Variants in NEK7 observed in about 807,000 individuals in gnomAD.
The protein encoded by NEK7 is NIMA related kinase 7.
NEK7 carries 18 observed loss-of-function variants against 44.6 expected under a neutral mutation model. The ratio of observed to expected loss-of-function variants is 0.40; its 90% CI spans 0.28 to 0.60. The LOEUF (loss-of-function observed/expected upper bound fraction) is 0.60, where lower values mean the gene tolerates loss of function less well. Among genes scored for constraint, NEK7 ranks in the 20% least tolerant of loss-of-function variants. The pLI, the probability that NEK7 is intolerant of heterozygous loss-of-function variation, is 0.38. For synonymous variants in NEK7, 130 were observed against 121.1 expected, an observed-to-expected ratio of 1.07 and a Z score of -0.48; for missense variants, 256 against 366.5, an observed-to-expected ratio of 0.70 and a Z score of 2.46.
chr1:198,292,891 GCTGTAT>G, intron 7 of NEK7, 48 bp from the exon 8 acceptor site: 1 of 937,952 alleles, frequency 1.1e-6, no homozygotes, highest in Middle Eastern at 2.3e-4. Context: ...TCTGACCACA[GCTGTAT>G]CTTTATTTTT....
At chr1:198,201,511 G>A (rs1665428372) in intron 1 of NEK7, among the ~76,000 whole-genome samples, 1 of 152,152 alleles carries the variant, frequency 6.6e-6, no homozygotes, top group Admixed American at 6.5e-5. Context: ...TTTGATGCCT[G>A]TGAAGCTTAA....
chr1:198,209,668 T>A (rs904165056), intron 1 of NEK7, among the ~76,000 whole-genome samples: 5 of 152,144 alleles, frequency 3.3e-5, no homozygotes, highest in Non-Finnish European at 7.3e-5. Context: ...TCTCTCTCTC[T>A]CTTTTTTTTA....
At chr1:198,207,585 A>G (rs1665634984) in intron 1 of NEK7, among the ~76,000 whole-genome samples, 1 of 152,226 alleles carries the variant, frequency 6.6e-6, no homozygotes, top group South Asian at 2.1e-4. Context: ...GCTAAGTGAA[A>G]GAAGTCATAT....
intron 9 of NEK7, among the ~76,000 whole-genome samples, chr1:198,299,749 C>T (rs1320649581): frequency 6.6e-6 from 1 of 152,146 alleles, no homozygotes; most frequent in Non-Finnish European, 1.5e-5. Context: ...GAATACTAGC[C>T]ATACCTGCCA....
intron 1 of NEK7, among the ~76,000 whole-genome samples, chr1:198,220,216 C>T (rs939306085): frequency 5.9e-5 from 9 of 151,854 alleles, no homozygotes; most frequent in Non-Finnish European, 1.3e-4. Context: ...CGATGGGAAC[C>T]CATTCAAGCT....
chr1:198,186,448 G>A (rs1664928158), intron 1 of NEK7, among the ~76,000 whole-genome samples: 1 of 152,176 alleles, frequency 6.6e-6, no homozygotes, highest in African/African-American at 2.4e-5. Context: ...TTATCATACA[G>A]GCTGGCAAGG....
chr1:198,201,174 G>A (rs547279929), intron 1 of NEK7, among the ~76,000 whole-genome samples: 43 of 152,066 alleles, frequency 2.8e-4, no homozygotes, highest in African/African-American at 1.0e-3. Context: ...TGTTGACGAG[G>A]GGATAACAGA....
chr1:198,244,268 C>T (rs1393031089), intron 2 of NEK7, among the ~76,000 whole-genome samples: 1 of 151,980 alleles, frequency 6.6e-6, no homozygotes, highest in Non-Finnish European at 1.5e-5. Context: ...AACAATACCT[C>T]AAGGAATTAT....
At chr1:198,274,405 G>C (rs530604166) in intron 5 of NEK7, among the ~76,000 whole-genome samples, 21 of 151,706 alleles carry the variant, frequency 1.4e-4, no homozygotes, top group Admixed American at 4.6e-4. Context: ...TAAACCCCAA[G>C]TGCCAGACCT....
chr1:198,177,609 T>A (rs1238656305), intron 1 of NEK7, among the ~76,000 whole-genome samples: 3 of 152,062 alleles, frequency 2.0e-5, no homozygotes, highest in Non-Finnish European at 2.9e-5. Flanking sequence ...GACTAAATAC[T>A]TGTTTTGCAA....
At chr1:198,234,143 A>G (rs555544645) in intron 2 of NEK7, among the ~76,000 whole-genome samples, 1 of 152,234 alleles carries the variant, frequency 6.6e-6, no homozygotes, top group African/African-American at 2.4e-5. Context: ...GCAGGGGCTC[A>G]ATAAGAATAT....
intron 8 of NEK7, among the ~76,000 whole-genome samples, chr1:198,294,822 T>G (rs1654662956): frequency 6.6e-6 from 1 of 152,186 alleles, no homozygotes; most frequent in Non-Finnish European, 1.5e-5. Flanking sequence ...CGCATTTTCT[T>G]GATTTCTCCA....
chr1:198,253,331 G>A (rs1571577080), intron 3 of NEK7, 151 bp downstream of exon 3: 1 of 522,950 alleles, frequency 1.9e-6, no homozygotes, highest in Non-Finnish European at 3.3e-6. Context: ...CCAGAAACAA[G>A]TGTAGTATGG....
chr1:198,187,431 G>A (rs1358917549), intron 1 of NEK7, among the ~76,000 whole-genome samples: 1 of 152,140 alleles, frequency 6.6e-6, no homozygotes, highest in African/African-American at 2.4e-5. Flanking sequence ...AGGGAGAAAG[G>A]CTTGTTCCAC....
intron 1 of NEK7, among the ~76,000 whole-genome samples, chr1:198,204,119 G>C (rs886812282): frequency 6.6e-6 from 1 of 152,132 alleles, no homozygotes; most frequent in East Asian, 1.9e-4. Flanking sequence ...AATTAGCTGG[G>C]CATGTTGGCA....
At chr1:198,202,650 TGAAA>T (rs1260441767) in intron 1 of NEK7, among the ~76,000 whole-genome samples, 1 of 152,124 alleles carries the variant, frequency 6.6e-6, no homozygotes, top group African/African-American at 2.4e-5. Context: ...TGGTGGAAAG[TGAAA>T]GACATGTTTT....
intron 1 of NEK7, among the ~76,000 whole-genome samples, chr1:198,164,324 C>T (rs1664202067): frequency 6.6e-6 from 1 of 152,230 alleles, no homozygotes; most frequent in African/African-American, 2.4e-5. Context: ...TAGGGCCATA[C>T]AGCCACTGCT....
rs138037678 is a variant in NEK7, at chr1:198,287,225, T to C, written c.590-5720T>C. Among the ~76,000 whole-genome samples, 8 of 152,214 alleles carry C rather than the reference T, an allele frequency of 5.3e-5. No individual in the cohort carries two copies. The East Asian group carries it at 1.5e-3, about 29-fold the overall frequency. On this transcript the variant is annotated intron_variant, in intron 7 of 9. Coordinates refer to ENST00000367385, the MANE Select transcript of NEK7 (RefSeq NM_133494.3). ...GGCTGGGTGCGGTGGCTCACACCTG[T>C]AATCCCGGCACTTTGGGAGGCCGAA... is the stretch of plus-strand genomic sequence containing the variant.
At chr1:198,263,656 T>C (rs1335238578) in intron 4 of NEK7, among the ~76,000 whole-genome samples, 1 of 152,056 alleles carries the variant, frequency 6.6e-6, no homozygotes, top group East Asian at 1.9e-4. Context: ...TAGTTAGATA[T>C]AGTATAGTAG....
Sources: gnomAD v4.1 joint callset for allele counts (sites outside exome capture counted in the v4.1 genomes callset) on GRCh38, gnomAD v4.1.1 for gene constraint, MANE v1.5 for transcripts, NCBI Gene and HGNC (gene_info 2026-07-23, HGNC 2026-07-21) for gene names.